The following TRIM34 variants were observed in gnomAD, a reference collection of about 807,000 sequenced individuals.
TRIM34 encodes tripartite motif containing 34, also known as E3 ubiquitin-protein ligase TRIM34.
Under a neutral mutation model 38.1 loss-of-function variants are expected in TRIM34, and 41 were observed. The ratio of observed to expected loss-of-function variants is 1.08; its 90% confidence interval spans 0.84 to 1.40. The LOEUF is 1.40. TRIM34 is among the 40% of genes most tolerant of loss of function. The pLI is 0.00. For synonymous variants in TRIM34, 200 were observed against 202.5 expected (o/e 0.99, Z 0.10); for missense variants, 556 against 571.4 (o/e 0.97, Z 0.27).
chr11:5,643,106 T>C, intron 7 of TRIM34, 38 bp from the exon 8 acceptor site: 1 of 1,075,100 alleles, frequency 9.3e-7, no homozygotes, highest in Non-Finnish European at 1.2e-6. Flanking sequence ...GATGATTATA[T>C]TCATATACAT....
intron 4 of TRIM34, among the ~76,000 whole-genome samples, chr11:5,640,300 C>G (rs1849951415): frequency 6.6e-6 from 1 of 151,982 alleles, no homozygotes; most frequent in Non-Finnish European, 1.5e-5. Context: ...TCTTCTATTC[C>G]AAGTTTGTTA....
intron 1 of TRIM34, among the ~76,000 whole-genome samples, chr11:5,629,714 GTT>G (rs1303281988): frequency 6.6e-6 from 1 of 152,138 alleles, no homozygotes; most frequent in African/African-American, 2.4e-5. Flanking sequence ...CTTTTGTTTT[GTT>G]TTGTTTTTTG....
At chr11:5,630,824 T>C (rs1849453902) in intron 1 of TRIM34, among the ~76,000 whole-genome samples, 1 of 152,256 alleles carries the variant, frequency 6.6e-6, no homozygotes, top group African/African-American at 2.4e-5. Context: ...TAGGTGACTG[T>C]TTACTTTATT....
upstream of TRIM34, among the ~76,000 whole-genome samples, chr11:5,622,975 C>T (rs372692767): frequency 5.3e-5 from 8 of 152,148 alleles, no homozygotes; most frequent in East Asian, 5.8e-4. Flanking sequence ...CAGCTGAGTC[C>T]GGAAGGGGGT....
In TRIM34 at chr11:5,632,495, G is replaced by T. The variant is rs1849522714; in HGVS notation, c.164G>T (p.Ser55Ile). 6 of 1,613,940 alleles carry T rather than the reference G, an allele frequency of 3.7e-6. No individual in the cohort carries two copies. Among genetic ancestry groups the T allele is most frequent in the Admixed American group, 1.7e-5 (1 of 59,980 alleles). The change falls in exon 2 of 8, where the codon AGC becomes ATC. Residue 55 changes from serine (S) to isoleucine (I), a missense_variant. Coordinates refer to ENST00000429814, the MANE Select transcript of TRIM34 (RefSeq NM_021616.6). Reference sequence around the variant, plus strand: ...GTGACCAGCATGGGAGGAAAAAGCAGCTGTCCTGTGTGTGGTATCAGTTAC... The same window carrying T: ...GTGACCAGCATGGGAGGAAAAAGCATCTGTCCTGTGTGTGGTATCAGTTAC... ...EAVTSMGGKS[S>I]CPVCGISYSF... is the part of the protein sequence containing the mutation.
chr11:5,622,441 T>A, upstream of TRIM34, among the ~76,000 whole-genome samples: 1 of 123,024 alleles, frequency 8.1e-6, no homozygotes, highest in African/African-American at 3.1e-5. Flanking sequence ...CGAGACTACC[T>A]CTCAAAAAAA....
chr11:5,621,920 G>A (rs1228416231), upstream of TRIM34, among the ~76,000 whole-genome samples: 2 of 152,102 alleles, frequency 1.3e-5, no homozygotes, highest in Non-Finnish European at 2.9e-5. Context: ...TCTCTAAAAT[G>A]TATACAACCA....
At chr11:5,626,510 T>G (rs1406004400) in intron 1 of TRIM34, 1 of 152,172 alleles carries the variant, frequency 6.6e-6, no homozygotes, top group African/African-American at 2.4e-5. Flanking sequence ...ATTAAAGGCT[T>G]TAATGGTTTT....
chr11:5,629,771 G>A (rs917448039), intron 1 of TRIM34, among the ~76,000 whole-genome samples: 3 of 152,142 alleles, frequency 2.0e-5, no homozygotes, highest in Admixed American at 6.5e-5. Context: ...GCAGTGGTGC[G>A]ATCTCGGCTC....
At chr11:5,641,430 A>G in intron 5 of TRIM34, 2 of 1,036,914 alleles carry the variant, frequency 1.9e-6, no homozygotes, top group African/African-American at 1.6e-5. Context: ...AAAGGATATT[A>G]AGGATGAGAG....
rs1193532064 is a variant in TRIM34, at chr11:5,643,553, C to G, written c.1311C>G (p.Leu437=). 2 of 1,614,146 alleles carry G rather than the reference C, an allele frequency of 1.2e-6. No homozygotes were observed. The highest frequency in any genetic ancestry group is 1.7e-6 in the Non-Finnish European group (2 of 1,180,028). The change falls in exon 8 of 8, where the codon CTC becomes CTG. Residue 437 remains leucine, a synonymous_variant. Coordinates refer to ENST00000429814, the MANE Select transcript of TRIM34 (RefSeq NM_021616.6). ...CTCCCTGCCGTGTTGGGGTTTTCCT[C>G]GACTATGAAGCAGGCATTGTCTCAT... ...AVPPCRVGVF[L]DYEAGIVSFF... is the part of the protein sequence containing the mutation.
intron 3 of TRIM34, 139 bp from the exon 4 acceptor site, chr11:5,634,492 T>TACACACACACACAC (rs3060967): frequency 7.0e-5 from 16 of 228,036 alleles, no homozygotes; most frequent in African/African-American, 4.0e-4. Context: ...ATAATATAAA[T>TACACACACACACAC]ACACACACAC....
At chr11:5,642,264 C>G in intron 5 of TRIM34, 142 bp from the exon 6 acceptor site, 2 of 628,654 alleles carry the variant, frequency 3.2e-6, no homozygotes, top group Non-Finnish European at 5.3e-6. Flanking sequence ...ATCCAGGGTC[C>G]GGCTCTCCCT....
chr11:5,643,867 A>C lies in TRIM34; in HGVS notation c.*158A>C. ...GTGTATTTGGCTTGAGTTATGAGAG[A>C]TGCTTATTTATTCATTTACTCTTTT... On this transcript the variant is annotated 3_prime_UTR_variant, in exon 8 of 8. Coordinates refer to ENST00000429814, the MANE Select transcript of TRIM34 (RefSeq NM_021616.6). The C allele has an allele frequency of 1.1e-6, 1 of 929,018 alleles. No homozygotes were observed. Among genetic ancestry groups the C allele is most frequent in the Non-Finnish European group, 1.6e-6 (1 of 638,382 alleles). The allele number at this position is 929,018 out of a possible 1,614,324, so 57.5% of individuals were successfully genotyped here.
chr11:5,641,340 T>C, intron 5 of TRIM34, 151 bp downstream of exon 5: 1 of 1,505,018 alleles, frequency 6.6e-7, no homozygotes, highest in African/African-American at 1.4e-5. Context: ...CCCCGATGAG[T>C]ATTTGAGTGT....
At position 5,643,211 on chromosome 11, in the gene TRIM34, G is replaced by A; in HGVS notation, c.969G>A (p.Val323=). The change falls in exon 8 of 8, where the codon GTG becomes GTA. Residue 323 remains valine (V), a synonymous_variant. Coordinates refer to ENST00000429814, the MANE Select transcript of TRIM34 (RefSeq NM_021616.6). ...TCCTTTCAGAAGATCAGAGACAAGT[G>A]ATATCTGTGCCAATTTGGCCTTTTC... ...NLVLSEDQRQ[V]ISVPIWPFQC... The A allele has an allele frequency of 6.2e-7, 1 of 1,612,862 alleles. No individual in the cohort carries two copies. Among genetic ancestry groups the A allele is most frequent in the Non-Finnish European group, 8.5e-7 (1 of 1,179,630 alleles).
At chr11:5,629,676 C>T (rs529045814) in intron 1 of TRIM34, among the ~76,000 whole-genome samples, 5 of 152,248 alleles carry the variant, frequency 3.3e-5, no homozygotes, top group South Asian at 2.1e-4. Context: ...CAGACAGGGC[C>T]GCTTCAGGTG....
chr11:5,642,390 T>A lies in TRIM34; in HGVS notation c.774-16T>A, dbSNP rs756099845. The stretch of plus-strand genomic sequence containing the variant: ...GATGAGAGATGTGGGGGTCAAAAAA[T>A]TTTTTTCATCCCTAGGAGTGAGATC... On this transcript the variant is annotated splice_polypyrimidine_tract_variant and intron_variant, in intron 5 of 7. Coordinates refer to ENST00000429814, the MANE Select transcript of TRIM34 (RefSeq NM_021616.6). 6 of 1,608,270 alleles carry A rather than the reference T, an allele frequency of 3.7e-6. No individual in the cohort carries two copies. The East Asian group carries it at 1.1e-4, about 30-fold the overall frequency.
At position 5,635,004 on chromosome 11, in the gene TRIM34, A is replaced by G. The variant is rs1590173124; in HGVS notation, c.750+143A>G. On this transcript the variant is annotated intron_variant, in intron 4 of 7. Transcript: ENST00000429814. ...TCCATTCTAGATGTCATGGACATGA[A>G]TGACATTTTTATTAATTTATGAAGT... The G allele has an allele frequency of 9.9e-6, 8 of 809,306 alleles. No homozygotes were observed. The East Asian group carries it at 2.0e-4, about 20-fold the overall frequency. 50.1% of individuals were successfully genotyped at this position (809,306 alleles called of 1,614,324 possible). A position where few individuals can be genotyped will look rare whatever the true frequency, so the allele number is the denominator to read the frequency against.
Sources: gnomAD v4.1 joint callset for allele counts (sites outside exome capture counted in the v4.1 genomes callset) on GRCh38, gnomAD v4.1.1 for gene constraint, MANE v1.5 for transcripts, NCBI Gene and HGNC (gene_info 2026-07-23, HGNC 2026-07-21) for gene names.